DPY19L3: variants seen among roughly 807,000 people sequenced by gnomAD.
DPY19L3 encodes protein C-mannosyl-transferase DPY19L3.
In DPY19L3, 51 loss-of-function variants were observed where a neutral mutation model predicts 92.3. The observed-to-expected ratio is 0.55, with a 90% confidence interval of 0.44 to 0.70. DPY19L3 has a LOEUF of 0.70. Ranked by LOEUF, DPY19L3 falls within the 30% of genes least tolerant of loss-of-function variation. DPY19L3 has a pLI of 0.00. For synonymous variants in DPY19L3, 309 were observed against 315.2 expected (o/e 0.98, Z 0.21); for missense variants, 706 against 855.9 (o/e 0.82, Z 2.18).
At chr19:32,475,054 A>G (rs1037181670) in intron 16 of DPY19L3, among the ~76,000 whole-genome samples, 15 of 152,242 alleles carry the variant, frequency 9.9e-5, no homozygotes, top group African/African-American at 2.4e-4. Context: ...TCCAAGGGCT[A>G]TGATTATAGT....
chr19:32,408,244 G>C lies in DPY19L3; in HGVS notation c.-10G>C. On this transcript the variant is annotated 5_prime_UTR_variant, in exon 2 of 19. Transcript: ENST00000392250. ...GTGATTTGGAGAACAATGCATGTAA[G>C]TCTGACATCATGATGTCCATCCGGC... is the stretch of plus-strand genomic sequence containing the variant. 6.2e-7 allele frequency: 1 copy of C among 1,604,370 alleles called. No individual in the cohort carries two copies. The highest frequency in any genetic ancestry group is 1.3e-5 in the African/African-American group (1 of 74,768).
chr19:32,445,440 C>CAAA lies in DPY19L3; in HGVS notation c.855+5549_855+5551dup, dbSNP rs71336904. Among the ~76,000 whole-genome samples, 26 of 42,822 alleles carry CAAA rather than the reference C, an allele frequency of 6.1e-4. 1 individual carries two copies. The highest frequency in any genetic ancestry group is 3.0e-3 in the South Asian group (2 of 666). The allele number at this position is 42,822 out of a possible 152,430, so 28.1% of individuals were successfully genotyped here. The stretch of plus-strand genomic sequence containing the variant: ...TGGGGGACAGAGCGAGACTTCATCT[C>CAAA]AAAAAAAAAAAAAAAAAAAAACCAT... On this transcript the variant is annotated intron_variant, in intron 8 of 18. Transcript: ENST00000392250.
At chr19:32,418,523 T>G (rs955112036) in intron 3 of DPY19L3, among the ~76,000 whole-genome samples, 42 of 152,332 alleles carry the variant, frequency 2.8e-4, no homozygotes, top group African/African-American at 1.0e-3. Context: ...TTTTTAAATA[T>G]GTACATATTT....
At chr19:32,417,470 G>GC (rs1414229562) in intron 3 of DPY19L3, among the ~76,000 whole-genome samples, 3 of 152,208 alleles carry the variant, frequency 2.0e-5, no homozygotes, top group African/African-American at 7.2e-5. Flanking sequence ...ACAGGTGCGT[G>GC]CCACCACGCC....
chr19:32,465,363 C>A (rs1970169465), intron 15 of DPY19L3, among the ~76,000 whole-genome samples: 1 of 152,190 alleles, frequency 6.6e-6, no homozygotes, highest in Admixed American at 6.5e-5. Context: ...AGACAATGAT[C>A]ATTGGTCAGG....
In DPY19L3 at chr19:32,458,424, T is replaced by G; in HGVS notation, c.1237T>G (p.Ser413Ala). 1 of 1,613,960 alleles carries G rather than the reference T, an allele frequency of 6.2e-7. No individual in the cohort carries two copies. The highest frequency in any genetic ancestry group is 8.5e-7 in the Non-Finnish European group (1 of 1,179,990). ...LLPFNTFGRL[S>A]DTLLFYAYIF... ...GCCTTTTAATACATTTGGAAGGCTT[T>G]CAGATACTCTGCTTTTTTATGCTTA... The change falls in exon 12 of 19, where the codon TCA becomes GCA. Residue 413 changes from serine to alanine, a missense_variant. Coordinates refer to ENST00000392250, the MANE Select transcript of DPY19L3 (RefSeq NM_001172774.2).
intron 8 of DPY19L3, among the ~76,000 whole-genome samples, chr19:32,445,722 T>C (rs1816672116): frequency 6.6e-6 from 1 of 152,138 alleles, no homozygotes; most frequent in Admixed American, 6.6e-5. Flanking sequence ...CGTTTGAGGC[T>C]GGGCGTCGTG....
intron 3 of DPY19L3, among the ~76,000 whole-genome samples, chr19:32,425,408 A>G (rs999170933): frequency 6.6e-6 from 1 of 152,034 alleles, no homozygotes; most frequent in Non-Finnish European, 1.5e-5. Flanking sequence ...AAAATTAGCC[A>G]GGCGTGATGG....
intron 15 of DPY19L3, among the ~76,000 whole-genome samples, chr19:32,466,760 T>C (rs1970215358): frequency 6.6e-6 from 1 of 152,250 alleles, no homozygotes; most frequent in Non-Finnish European, 1.5e-5. Context: ...TCTCTCTTGA[T>C]ACAGGAGTTT....
At position 32,482,533 on chromosome 19, in the gene DPY19L3, A is replaced by G; in HGVS notation, c.*293A>G. On this transcript the variant is annotated 3_prime_UTR_variant, in exon 19 of 19. Transcript: ENST00000392250. ...GGAGAGAATGATGTGTGTTCCATGG[A>G]TACCTGGATAGGCACATAACATGTT... The G allele has an allele frequency of 3.7e-6, 1 of 273,738 alleles. No individual in the cohort carries two copies. The highest frequency in any genetic ancestry group is 6.4e-5 in the South Asian group (1 of 15,526). 17.0% of individuals were successfully genotyped at this position (273,738 alleles called of 1,614,324 possible). A position where few individuals can be genotyped will look rare whatever the true frequency, so the allele number is the denominator to read the frequency against.
At chr19:32,436,961 T>C (rs1328095593) in intron 5 of DPY19L3, among the ~76,000 whole-genome samples, 4 of 151,570 alleles carry the variant, frequency 2.6e-5, no homozygotes, top group Non-Finnish European at 4.4e-5. Flanking sequence ...TATAAAACTT[T>C]CTAGAGTAAA....
chr19:32,427,585 G>A (rs897281514), intron 3 of DPY19L3, among the ~76,000 whole-genome samples: 4 of 152,208 alleles, frequency 2.6e-5, no homozygotes, highest in African/African-American at 9.7e-5. Context: ...TAGTACGGTA[G>A]TGCTAAGACT....
At chr19:32,464,489 T>C (rs1165441212) in intron 14 of DPY19L3, among the ~76,000 whole-genome samples, 5 of 152,152 alleles carry the variant, frequency 3.3e-5, no homozygotes, top group Admixed American at 3.3e-4. Context: ...CATTAAATTA[T>C]ATTTCTGGTA....
intron 3 of DPY19L3, among the ~76,000 whole-genome samples, chr19:32,422,214 C>G (rs968331851): frequency 6.6e-6 from 1 of 152,140 alleles, no homozygotes; most frequent in African/African-American, 2.4e-5. Context: ...AATAATTTTA[C>G]AGTGGAGATG....
chr19:32,439,090 A>T (rs751466193), intron 6 of DPY19L3, 22 bp from the exon 7 acceptor site: 4 of 1,587,652 alleles, frequency 2.5e-6, no homozygotes, highest in Non-Finnish European at 3.4e-6. Flanking sequence ...CACTTTGGCC[A>T]TTTGTGTTTT....
At chr19:32,441,064 C>T (rs1191888646) in intron 8 of DPY19L3, among the ~76,000 whole-genome samples, 1 of 152,162 alleles carries the variant, frequency 6.6e-6, no homozygotes, top group Non-Finnish European at 1.5e-5. Flanking sequence ...GTAACCTATA[C>T]ACTCCTATAA....
At chr19:32,470,073 T>G (rs1237931521) in intron 16 of DPY19L3, among the ~76,000 whole-genome samples, 1 of 152,226 alleles carries the variant, frequency 6.6e-6, no homozygotes, top group African/African-American at 2.4e-5. Context: ...ATGGATCTCA[T>G]AGAGATTTGT....
At chr19:32,448,063 G>A (rs1969575035) in intron 8 of DPY19L3, among the ~76,000 whole-genome samples, 1 of 152,116 alleles carries the variant, frequency 6.6e-6, no homozygotes, top group Admixed American at 6.6e-5. Flanking sequence ...TATATGTTAT[G>A]TACGTGTAAC....
intron 15 of DPY19L3, chr19:32,468,037 A>C (rs1291366717): frequency 6.1e-6 from 6 of 985,052 alleles, no homozygotes; most frequent in Non-Finnish European, 7.2e-6. Context: ...ATGTCAAACC[A>C]TTTGACCAGA....
Sources: allele counts gnomAD v4.1 joint callset (sites outside exome capture counted in the v4.1 genomes callset), GRCh38; gene constraint gnomAD v4.1.1; transcripts MANE v1.5; gene names NCBI Gene and HGNC (gene_info 2026-07-23, HGNC 2026-07-21).